Variants in MAPK10 observed in about 807,000 individuals in gnomAD.
The protein encoded by MAPK10 is JNK3 alpha protein kinase.
Under a neutral mutation model 59.3 loss-of-function variants are expected in MAPK10, and 25 were observed. That is an observed-to-expected ratio of 0.42 (90% CI 0.31 to 0.59). MAPK10 has a LOEUF of 0.59. Among genes scored for constraint, MAPK10 ranks in the 20% least tolerant of loss-of-function variants. The pLI is 0.15. For missense variants in MAPK10, 351 were observed against 568.9 expected, an observed-to-expected ratio of 0.62 and a Z score of 3.90; for synonymous variants, 190 against 200.5, an observed-to-expected ratio of 0.95 and a Z score of 0.44.
intron 11 of MAPK10, among the ~76,000 whole-genome samples, chr4:86,042,964 A>C (rs941448331): frequency 3.9e-5 from 6 of 152,138 alleles, no homozygotes; most frequent in African/African-American, 1.4e-4. Flanking sequence ...TCCAGATGAA[A>C]ACCTGGATAG....
At chr4:86,412,418 CCGT>C (rs1745308909) in intron 1 of MAPK10, among the ~76,000 whole-genome samples, 1 of 152,102 alleles carries the variant, frequency 6.6e-6, no homozygotes, top group Admixed American at 6.6e-5. Flanking sequence ...GTGGTGTTCT[CCGT>C]ATTTCCTGAA....
At chr4:86,536,914 T>C (rs543584280) in intron 1 of MAPK10, among the ~76,000 whole-genome samples, 7 of 152,212 alleles carry the variant, frequency 4.6e-5, no homozygotes, top group Middle Eastern at 3.4e-3. Flanking sequence ...ACAAGTAGGA[T>C]AGGATAGGCA....
intron 2 of MAPK10, among the ~76,000 whole-genome samples, chr4:86,303,141 A>G (rs1298123240): frequency 1.3e-5 from 2 of 152,164 alleles, no homozygotes; most frequent in Non-Finnish European, 2.9e-5. Flanking sequence ...GCGAGCCTCT[A>G]ATTCTCAGCT....
intron 1 of MAPK10, among the ~76,000 whole-genome samples, chr4:86,555,825 C>A (rs545632603): frequency 2.0e-4 from 31 of 152,170 alleles, no homozygotes; most frequent in African/African-American, 7.0e-4. Flanking sequence ...GGTTGAGGAG[C>A]ACCTATGATT....
At chr4:86,121,713 ATT>A (rs987782038) in intron 4 of MAPK10, among the ~76,000 whole-genome samples, 2 of 152,072 alleles carry the variant, frequency 1.3e-5, no homozygotes, top group Non-Finnish European at 2.9e-5. Context: ...TCATACTCAG[ATT>A]TTTTTGGGTT....
At chr4:86,093,653 C>G (rs12502934) in intron 9 of MAPK10, among the ~76,000 whole-genome samples, 66,454 of 151,428 alleles carry the variant, frequency 0.44, 15,266 homozygotes, top group African/African-American at 0.56. Context: ...AGCAACAATT[C>G]GCAGAACTTA....
chr4:86,328,317 G>C (rs1010670575), intron 2 of MAPK10, among the ~76,000 whole-genome samples: 1 of 152,170 alleles, frequency 6.6e-6, no homozygotes, highest in African/African-American at 2.4e-5. Flanking sequence ...TCTCATGCCA[G>C]TCAGAATGCA....
At position 86,333,489 on chromosome 4, in the gene MAPK10, G is replaced by T. The variant is rs1392889889; in HGVS notation, c.-7+21041C>A. 2.0e-5 allele frequency among the ~76,000 whole-genome samples: 3 copies of T among 152,262 alleles called. No homozygotes were observed. In the East Asian group the frequency reaches 5.8e-4, roughly 29 times the overall value. ...CTACTGCTGTCTGCCTTCTCAGGCT[G>T]TCATGACAGCAAGCATGTTCTTATA... On this transcript the variant is annotated intron_variant, in intron 2 of 13. Coordinates refer to ENST00000641462, the MANE Select transcript of MAPK10 (RefSeq NM_138982.4).
chr4:86,202,964 G>T (rs182129647), intron 2 of MAPK10, among the ~76,000 whole-genome samples: 65 of 152,004 alleles, frequency 4.3e-4, no homozygotes, highest in Non-Finnish European at 5.9e-4. Context: ...TTTGCTAATT[G>T]TTTTTCCTGG....
intron 1 of MAPK10, among the ~76,000 whole-genome samples, chr4:86,478,822 G>A (rs1480594819): frequency 6.6e-6 from 1 of 152,172 alleles, no homozygotes; most frequent in Non-Finnish European, 1.5e-5. Context: ...AGCAAAGGCA[G>A]GCCATGCTAT....
intron 2 of MAPK10, among the ~76,000 whole-genome samples, chr4:86,318,175 T>C (rs965327203): frequency 1.3e-5 from 2 of 152,146 alleles, no homozygotes; most frequent in African/African-American, 4.8e-5. Flanking sequence ...ATAACATCCA[T>C]AGGTTTCTGG....
intron 2 of MAPK10, among the ~76,000 whole-genome samples, chr4:86,224,321 G>A (rs1293386890): frequency 1.3e-5 from 2 of 152,196 alleles, no homozygotes; most frequent in Non-Finnish European, 2.9e-5. Flanking sequence ...AGAAAAGTAT[G>A]TTAATATGTT....
rs918315688 is a variant in MAPK10, at chr4:86,031,279, T to C, written c.1174+89A>G. The C allele has an allele frequency of 2.8e-5, 26 of 918,862 alleles. No individual in the cohort carries two copies. In the African/African-American group the frequency reaches 4.2e-4, roughly 15 times the overall value. 56.9% of individuals were successfully genotyped at this position (918,862 alleles called of 1,614,324 possible). On this transcript the variant is annotated intron_variant, in intron 12 of 13. Coordinates refer to ENST00000641462, the MANE Select transcript of MAPK10 (RefSeq NM_138982.4). ...AGAATAGCAGTCAGCAAATCATTTT[T>C]TAGTAAATTGTTTTACAAGGAAAAG...
chr4:86,439,268 A>T (rs1749139502), intron 1 of MAPK10, among the ~76,000 whole-genome samples: 1 of 152,096 alleles, frequency 6.6e-6, no homozygotes, highest in Non-Finnish European at 1.5e-5. Flanking sequence ...CTTTAAAGTC[A>T]GCCTCTCACC....
At chr4:86,191,829 AT>A (rs1285935589) in intron 3 of MAPK10, 2 of 151,798 alleles carry the variant, frequency 1.3e-5, no homozygotes, top group Non-Finnish European at 2.9e-5. Flanking sequence ...TCAGCTGGTT[AT>A]TTTGCCCATT....
chr4:86,226,936 T>A (rs1294557359), intron 2 of MAPK10, among the ~76,000 whole-genome samples: 1 of 152,200 alleles, frequency 6.6e-6, no homozygotes, highest in Non-Finnish European at 1.5e-5. Context: ...AATGCAAATC[T>A]AATTTATCTA....
chr4:86,358,029 T>G (rs1206886388), intron 1 of MAPK10: 5 of 969,594 alleles, frequency 5.2e-6, no homozygotes, highest in African/African-American at 1.8e-5. Context: ...GCTAATCCAA[T>G]ACTTTATGTC....
intron 1 of MAPK10, among the ~76,000 whole-genome samples, chr4:86,429,066 A>G (rs1422252370): frequency 3.3e-5 from 5 of 152,126 alleles, no homozygotes; most frequent in African/African-American, 9.7e-5. Flanking sequence ...AGGTTTTAAA[A>G]ACCACATTAC....
At chr4:86,147,042 A>C (rs1483980535) in intron 4 of MAPK10, among the ~76,000 whole-genome samples, 2 of 151,748 alleles carry the variant, frequency 1.3e-5, no homozygotes, top group African/African-American at 4.8e-5. Flanking sequence ...ATGGGATTAA[A>C]TTTTTTATTT....
Sources: gnomAD v4.1 joint callset for allele counts (sites outside exome capture counted in the v4.1 genomes callset) on GRCh38, gnomAD v4.1.1 for gene constraint, MANE v1.5 for transcripts, NCBI Gene and HGNC (gene_info 2026-07-23, HGNC 2026-07-21) for gene names.